Variants in TET1 observed in about 807,000 individuals in gnomAD.
TET1 encodes the protein tet methylcytosine dioxygenase 1.
TET1 carries 13 observed loss-of-function variants against 148.7 expected under a neutral mutation model. That is an observed-to-expected ratio of 0.09 (90% CI 0.06 to 0.14). The LOEUF is 0.14. Ranked by LOEUF, TET1 falls within the 10% of genes least tolerant of loss-of-function variation. The pLI is 1.00. For synonymous variants in TET1, 907 were observed against 937.2 expected, an observed-to-expected ratio of 0.97 and a Z score of 0.59; for missense variants, 2,182 against 2,553.8, an observed-to-expected ratio of 0.85 and a Z score of 3.14.
chr10:68,686,780 A>G, intron 11 of TET1, 73 bp downstream of exon 11: 1 of 1,378,628 alleles, frequency 7.3e-7, no homozygotes, highest in Non-Finnish European at 9.9e-7. Flanking sequence ...GCCTTGCCTT[A>G]TTTGTTTAGA....
At chr10:68,621,403 G>A (rs1253431963) in intron 3 of TET1, among the ~76,000 whole-genome samples, 1 of 152,174 alleles carries the variant, frequency 6.6e-6, no homozygotes, top group African/African-American at 2.4e-5. Context: ...GGGCAACGTG[G>A]TGAAACCCCG....
rs1421219786 is a variant in TET1 at position 68,694,174 on chromosome 10, T to C, written c.*2360T>C. 2 of 232,770 alleles carry C rather than the reference T, an allele frequency of 8.6e-6. No individual in the cohort carries two copies. The highest frequency in any genetic ancestry group is 1.1e-4 in the Admixed American group (2 of 17,798). The allele number at this position is 232,770 out of a possible 1,614,324, so 14.4% of individuals were successfully genotyped here. On this transcript the variant is annotated 3_prime_UTR_variant, in exon 12 of 12. Coordinates refer to ENST00000373644, the MANE Select transcript of TET1 (RefSeq NM_030625.3). ...TGGGATTTGTGACGCTTGTTGCAGT[T>C]TACCAAAACAAGTATTTGAAAATAT...
chr10:68,651,225 G>A (rs1564492650), intron 4 of TET1, among the ~76,000 whole-genome samples: 1 of 152,082 alleles, frequency 6.6e-6, no homozygotes, highest in African/African-American at 2.4e-5. Context: ...AGCACTTTGG[G>A]AGGCACAAGG....
intron 3 of TET1, among the ~76,000 whole-genome samples, chr10:68,602,125 A>G (rs991112748): frequency 2.6e-4 from 39 of 152,222 alleles, no homozygotes; most frequent in Admixed American, 2.2e-3. Context: ...CTGTTTCATC[A>G]ACCAACAAGT....
intron 7 of TET1, 38 bp from the exon 8 acceptor site, chr10:68,672,857 G>T: frequency 3.2e-6 from 5 of 1,572,326 alleles, no homozygotes; most frequent in Non-Finnish European, 4.3e-6. Context: ...GTATTGTAAT[G>T]CTTCATCAAT....
intron 3 of TET1, among the ~76,000 whole-genome samples, chr10:68,609,525 T>C (rs1300463036): frequency 6.6e-6 from 1 of 152,174 alleles, no homozygotes; most frequent in Non-Finnish European, 1.5e-5. Context: ...AGGGTGATCT[T>C]GAACTTCTGG....
intron 8 of TET1, chr10:68,674,902 CAT>C (rs2055328771): frequency 2.6e-6 from 1 of 387,320 alleles, no homozygotes; most frequent in Non-Finnish European, 4.9e-6. Flanking sequence ...TTGGAAAAGA[CAT>C]AGAAAAAATT....
intron 6 of TET1, among the ~76,000 whole-genome samples, chr10:68,657,176 ATTTT>A (rs1169492294): frequency 6.6e-6 from 1 of 151,776 alleles, no homozygotes; most frequent in Non-Finnish European, 1.5e-5. Flanking sequence ...TACAAAAAAA[ATTTT>A]TTTTCTTTTT....
chr10:68,623,493 G>A (rs2054405740), intron 3 of TET1, among the ~76,000 whole-genome samples: 1 of 152,296 alleles, frequency 6.6e-6, no homozygotes, highest in African/African-American at 2.4e-5. Context: ...ACTTAATAGA[G>A]TTAACAGAGT....
Position 68,645,142 on chromosome 10 carries a change from A to C in TET1, c.2413A>C (p.Ser805Arg). The change falls in exon 4 of 12, where the codon AGC (serine) becomes CGC (arginine). Residue 805 changes from serine (S) to arginine (R), a missense_variant. This residue lies in a region of TET1 where 226 missense variants were observed against 307.4 expected (regional missense o/e 0.74). Coordinates refer to ENST00000373644, the MANE Select transcript of TET1 (RefSeq NM_030625.3). ...KDTANHKNAM[S>R]SVATDMSCDH... ...CACTGCAAACCATAAAAACGCTATG[A>C]GCTCTGTTGCTACTGATATGAGTTG... is the stretch of plus-strand genomic sequence containing the variant. The C allele has an allele frequency of 1.2e-6, 2 of 1,614,052 alleles. No homozygotes were observed. The highest frequency in any genetic ancestry group is 2.2e-5 in the South Asian group (2 of 91,082).
intron 3 of TET1, among the ~76,000 whole-genome samples, chr10:68,605,485 C>G (rs182742615): frequency 6.6e-6 from 1 of 152,098 alleles, no homozygotes; most frequent in Non-Finnish European, 1.5e-5. Flanking sequence ...CTTAACATTC[C>G]CATCATTTAT....
chr10:68,571,148 G>A (rs2133681257), intron 1 of TET1, among the ~76,000 whole-genome samples: 1 of 146,142 alleles, frequency 6.8e-6, no homozygotes, highest in African/African-American at 2.5e-5. Context: ...CTGCCACCAC[G>A]TCTGGCTAAT....
At chr10:68,600,882 A>G (rs1187763061) in intron 2 of TET1, 99 bp from the exon 3 acceptor site, 1 of 893,588 alleles carries the variant, frequency 1.1e-6, no homozygotes, top group African/African-American at 1.7e-5. Flanking sequence ...TTTAAATGGT[A>G]TAAATAGTTT....
chr10:68,607,769 C>A (rs551562113), intron 3 of TET1, among the ~76,000 whole-genome samples: 1 of 147,374 alleles, frequency 6.8e-6, no homozygotes, highest in Non-Finnish European at 1.5e-5. Context: ...CTTGCAATGT[C>A]ATTCATATAT....
chr10:68,568,973 A>G (rs543769848), intron 1 of TET1, among the ~76,000 whole-genome samples: 84 of 152,328 alleles, frequency 5.5e-4, no homozygotes, highest in South Asian at 1.2e-3. Context: ...AGTGTCCACC[A>G]CAATGCCTTC....
rs745970706 is a variant in TET1 at position 68,682,985 on chromosome 10, T to C, written c.5052+12T>C. On this transcript the variant is annotated intron_variant, in intron 10 of 11. Transcript: ENST00000373644. Reference sequence around the variant, plus strand: ...ATGGAAGCACTGTGGTATGTACCTGTGTGAATTTGTATTCTAAAAGCTCCA... The same window carrying C: ...ATGGAAGCACTGTGGTATGTACCTGCGTGAATTTGTATTCTAAAAGCTCCA... The C allele has an allele frequency of 1.2e-6, 2 of 1,611,860 alleles. No homozygotes were observed. The highest frequency in any genetic ancestry group is 1.7e-6 in the Non-Finnish European group (2 of 1,179,618).
chr10:68,660,490 C>T (rs1472231367), intron 6 of TET1, among the ~76,000 whole-genome samples: 2 of 151,592 alleles, frequency 1.3e-5, no homozygotes, highest in African/African-American at 4.8e-5. Flanking sequence ...CAGGTGTCCC[C>T]CAGCCAAGCC....
At chr10:68,564,305 T>A (rs779440997) in intron 1 of TET1, among the ~76,000 whole-genome samples, 1 of 151,804 alleles carries the variant, frequency 6.6e-6, no homozygotes, top group Non-Finnish European at 1.5e-5. Context: ...TGCGCTACCA[T>A]GCCCGGCTAA....
At chr10:68,587,323 A>C (rs919295354) in intron 2 of TET1, among the ~76,000 whole-genome samples, 1 of 152,200 alleles carries the variant, frequency 6.6e-6, no homozygotes, top group South Asian at 2.1e-4. Flanking sequence ...GAGTTGATCC[A>C]AGCCATGGAA....
Sources: allele counts gnomAD v4.1 joint callset (sites outside exome capture counted in the v4.1 genomes callset), GRCh38; gene constraint gnomAD v4.1.1; regional missense constraint gnomAD v4.1.1; transcripts MANE v1.5; gene names NCBI Gene and HGNC (gene_info 2026-07-23, HGNC 2026-07-21).